SCN1A: variants seen among roughly 807,000 people sequenced by gnomAD.
SCN1A encodes sodium voltage-gated channel alpha subunit 1.
Under a neutral mutation model 193.7 loss-of-function variants are expected in SCN1A, and 13 were observed. The observed-to-expected ratio is 0.07, with a 90% CI of 0.04 to 0.11. SCN1A has a LOEUF of 0.11. SCN1A is among the 10% of genes least tolerant of loss of function. The probability of loss-of-function intolerance (pLI) is 1.00; values close to 1 mark genes in which losing one functional copy is unlikely to be tolerated. For missense variants in SCN1A, 1,432 were observed against 2,451.1 expected (o/e 0.58, Z 8.78); for synonymous variants, 781 against 843.6 (o/e 0.93, Z 1.29).
At chr2:166,080,312 G>A (rs1207332319) in intron 2 of SCN1A, among the ~76,000 whole-genome samples, 1 of 151,764 alleles carries the variant, frequency 6.6e-6, no homozygotes, top group Non-Finnish European at 1.5e-5. Flanking sequence ...ACATAGAGGA[G>A]ACCTTGCTCC....
chr2:166,000,349 T>A (rs868564617), intron 24 of SCN1A, among the ~76,000 whole-genome samples: 5 of 151,718 alleles, frequency 3.3e-5, no homozygotes, highest in Admixed American at 2.0e-4. Context: ...CATTTAGAAA[T>A]AACCCCCTAT....
intron 2 of SCN1A, among the ~76,000 whole-genome samples, chr2:166,088,251 A>C (rs184081549): frequency 2.0e-4 from 31 of 151,364 alleles, no homozygotes; most frequent in Admixed American, 2.0e-3. Context: ...TCATTTAAAG[A>C]TAGTTTTGGT....
In SCN1A at chr2:165,994,371, A is replaced by C; in HGVS notation, c.4627T>G (p.Phe1543Val). 6.2e-7 allele frequency: 1 copy of C among 1,612,970 alleles called. No homozygotes were observed. The highest frequency in any genetic ancestry group is 8.5e-7 in the Non-Finnish European group (1 of 1,179,350). ...ATGAGAATCATGATGCTTATGTCAA[A>C]AACTTGTCTGGTTACGAAGTCAAAG... ...MVFDFVTRQV[F>V]DISIMILICL... Residue 1543 changes from phenylalanine to valine, a missense_variant, in exon 28 of 29, where the codon TTT (phenylalanine) becomes GTT (valine). Physicochemically the swap from Phe to Val is conservative, Grantham distance 50 (BLOSUM62 -1). This residue lies in a region of SCN1A where 85 missense variants were observed against 119.1 expected (regional missense o/e 0.71). Transcript: ENST00000674923.
Position 165,991,569 on chromosome 2 carries a change from G to T in SCN1A, c.5706C>A (p.Ser1902=), listed in dbSNP as rs367943471. Residue 1902 remains serine, a synonymous_variant, in exon 29 of 29, where the codon TCC becomes TCA. Transcript: ENST00000674923. ...RFMASNPSKV[S]YQPITTTLKR... Reference sequence around the variant, plus strand: ...TTAAAGTAGTAGTGATTGGCTGATAGGAGACCTTGGAAGGATTGGAAGCCA... The same window carrying T: ...TTAAAGTAGTAGTGATTGGCTGATATGAGACCTTGGAAGGATTGGAAGCCA... 5.0e-6 allele frequency: 8 copies of T among 1,613,806 alleles called. No homozygotes were observed. The highest frequency in any genetic ancestry group is 6.8e-6 in the Non-Finnish European group (8 of 1,179,918).
chr2:166,100,546 CA>C (rs1687928491), intron 2 of SCN1A, among the ~76,000 whole-genome samples: 1 of 151,164 alleles, frequency 6.6e-6, no homozygotes, highest in African/African-American at 2.4e-5. Flanking sequence ...TTCTGCACAG[CA>C]AAAGAACTAC....
At chr2:166,034,683 T>C (rs1028231385) in intron 19 of SCN1A, among the ~76,000 whole-genome samples, 16 of 152,226 alleles carry the variant, frequency 1.1e-4, no homozygotes, top group Non-Finnish European at 5.9e-5. Flanking sequence ...AAAATTCATA[T>C]GCTGAAGCTC....
At chr2:166,037,027 C>T (rs1696474801) in intron 18 of SCN1A, among the ~76,000 whole-genome samples, 1 of 152,146 alleles carries the variant, frequency 6.6e-6, no homozygotes, top group Admixed American at 6.6e-5. Context: ...TTATATTTCT[C>T]ATACTTCATT....
At chr2:166,005,190 T>A (rs1005844484) in intron 23 of SCN1A, among the ~76,000 whole-genome samples, 1 of 151,424 alleles carries the variant, frequency 6.6e-6, no homozygotes, top group Non-Finnish European at 1.5e-5. Context: ...TCCAGGGCCT[T>A]GAGTGTCTTG....
intron 1 of SCN1A, among the ~76,000 whole-genome samples, chr2:166,138,068 G>C (rs111296355): frequency 6.6e-6 from 1 of 152,150 alleles, no homozygotes; most frequent in Admixed American, 6.5e-5. Flanking sequence ...GATGATTTAG[G>C]GTATGTGGTG....
At chr2:166,074,764 AG>A (rs1332931734) in intron 3 of SCN1A, among the ~76,000 whole-genome samples, 1 of 152,216 alleles carries the variant, frequency 6.6e-6, no homozygotes, top group Non-Finnish European at 1.5e-5. Flanking sequence ...GCTATGGTAC[AG>A]TTAATTATAG....
chr2:166,006,257 A>C (rs1691639219), intron 23 of SCN1A, among the ~76,000 whole-genome samples: 1 of 151,298 alleles, frequency 6.6e-6, no homozygotes, highest in Non-Finnish European at 1.5e-5. Context: ...AATCTAAAAA[A>C]ATTATGTTGT....
At chr2:166,026,953 T>C (rs1433844483) in intron 19 of SCN1A, among the ~76,000 whole-genome samples, 2 of 152,176 alleles carry the variant, frequency 1.3e-5, no homozygotes, top group Non-Finnish European at 2.9e-5. Flanking sequence ...GGAATATTTC[T>C]TAAAATCTAT....
chr2:166,115,556 T>C (rs902530173), intron 2 of SCN1A, among the ~76,000 whole-genome samples: 1 of 152,158 alleles, frequency 6.6e-6, no homozygotes, highest in Non-Finnish European at 1.5e-5. Flanking sequence ...GAGTTTAGAA[T>C]AGGAGTTTGG....
At chr2:166,114,289 A>T (rs191512298) in intron 2 of SCN1A, among the ~76,000 whole-genome samples, 17 of 152,286 alleles carry the variant, frequency 1.1e-4, no homozygotes, top group Admixed American at 1.0e-3. Context: ...AAGCAGGAAA[A>T]CATCTGAGAG....
upstream of SCN1A, among the ~76,000 whole-genome samples, chr2:166,130,845 G>A (rs1468840326): frequency 6.6e-6 from 1 of 152,096 alleles, no homozygotes; most frequent in African/African-American, 2.4e-5. Context: ...TTCAGACTGA[G>A]CATAAAGGCA....
At chr2:166,079,075 T>C (rs535386487) in intron 2 of SCN1A, among the ~76,000 whole-genome samples, 64 of 151,752 alleles carry the variant, frequency 4.2e-4, no homozygotes, top group African/African-American at 1.5e-3. Context: ...AGAAACTTAT[T>C]CTTTATTTTA....
intron 2 of SCN1A, among the ~76,000 whole-genome samples, chr2:166,117,043 A>G (rs1403426048): frequency 6.6e-6 from 1 of 152,204 alleles, no homozygotes; most frequent in Non-Finnish European, 1.5e-5. Context: ...CTTTTTCAAA[A>G]TAATAATTTT....
chr2:166,088,079 TGTG>T, intron 2 of SCN1A, among the ~76,000 whole-genome samples: 1 of 152,060 alleles, frequency 6.6e-6, no homozygotes, highest in African/African-American at 2.4e-5. Flanking sequence ...TGTGTGTGTG[TGTG>T]TGTAAGGGTA....
chr2:166,100,711 C>G (rs1440498323), intron 2 of SCN1A, among the ~76,000 whole-genome samples: 10 of 138,842 alleles, frequency 7.2e-5, no homozygotes, highest in African/African-American at 2.2e-4. Flanking sequence ...CATGAACAGA[C>G]ACTTCTCAAA....
Sources: gnomAD v4.1 joint callset for allele counts (sites outside exome capture counted in the v4.1 genomes callset) on GRCh38, gnomAD v4.1.1 for gene constraint, gnomAD v4.1.1 regional missense constraint, MANE v1.5 for transcripts, NCBI Gene and HGNC (gene_info 2026-07-23, HGNC 2026-07-21) for gene names.